Variants in FAM131A observed in about 807,000 individuals in gnomAD.
The protein encoded by FAM131A is family with sequence similarity 131 member A, also known as protein FAM131A.
In FAM131A, 24 loss-of-function variants were observed where a neutral mutation model predicts 39.2. The observed-to-expected ratio is 0.61, with a 90% CI of 0.44 to 0.86. The LOEUF is 0.86. Ranked by LOEUF, FAM131A falls within the 40% of genes least tolerant of loss-of-function variation. The probability of loss-of-function intolerance (pLI) is 0.00; values close to 1 mark genes in which losing one functional copy is unlikely to be tolerated. For missense variants in FAM131A, 373 were observed against 481.2 expected, an observed-to-expected ratio of 0.78 and a Z score of 2.10; for synonymous variants, 202 against 206.8, an observed-to-expected ratio of 0.98 and a Z score of 0.20.
Position 184,345,242 on chromosome 3 carries a change from G to A in FAM131A, c.*272G>A, listed in dbSNP as rs1727586113. On this transcript the variant is annotated 3_prime_UTR_variant, in exon 6 of 6. Transcript: ENST00000383847. ...GGCTACAGCTGTGGCAGACAGTGAT[G>A]TTCATGTTCTTAAAATGCCACACAC... The A allele has an allele frequency of 1.8e-6, 1 of 552,166 alleles. No homozygotes were observed. The highest frequency in any genetic ancestry group is 3.1e-5 in the East Asian group (1 of 32,076). 34.2% of individuals were successfully genotyped at this position (552,166 alleles called of 1,614,324 possible). A position where few individuals can be genotyped will look rare whatever the true frequency, so the allele number is the denominator to read the frequency against.
In FAM131A at chr3:184,338,374, C is replaced by T; in HGVS notation, c.89-13C>T. 7.0e-7 allele frequency: 1 copy of T among 1,431,852 alleles called. No homozygotes were observed. Among genetic ancestry groups the T allele is most frequent in the Non-Finnish European group, 9.1e-7 (1 of 1,095,604 alleles). 88.7% of individuals were successfully genotyped at this position (1,431,852 alleles called of 1,614,324 possible). A position where few individuals can be genotyped will look rare whatever the true frequency, so the allele number is the denominator to read the frequency against. The stretch of plus-strand genomic sequence containing the variant: ...TAGGGGCACAGCTCAACAGCCTTTC[C>T]CCTTCCTCTCAGTGTCCTCGGACCC... On this transcript the variant is annotated splice_polypyrimidine_tract_variant and intron_variant, in intron 1 of 5. Transcript: ENST00000383847.
At chr3:184,343,378 C>T (rs565303906) in intron 5 of FAM131A, among the ~76,000 whole-genome samples, 1 of 152,208 alleles carries the variant, frequency 6.6e-6, no homozygotes, top group African/African-American at 2.4e-5. Flanking sequence ...CATTCCAGCC[C>T]GTGGGCCTTT....
At chr3:184,337,395 G>C (rs1220478715), upstream of FAM131A, 3 of 524,938 alleles carry the variant, frequency 5.7e-6, no homozygotes, top group Non-Finnish European at 1.0e-5. Context: ...TACATTGCCT[G>C]TTGGCACTGT....
intron 1 of FAM131A, among the ~76,000 whole-genome samples, 197 bp downstream of exon 1, chr3:184,337,915 G>T (rs1727191662): frequency 6.6e-6 from 1 of 152,184 alleles, no homozygotes; most frequent in Non-Finnish European, 1.5e-5. Flanking sequence ...AATATCATGA[G>T]TTCGTCAGAA....
At chr3:184,341,492 T>G in intron 2 of FAM131A, 1 of 580,574 alleles carries the variant, frequency 1.7e-6, no homozygotes, top group South Asian at 2.0e-5. Context: ...AGTGGAGGAT[T>G]AGCTGAAGTT....
intron 5 of FAM131A, among the ~76,000 whole-genome samples, chr3:184,343,702 TTTGA>T (rs1164751400): frequency 6.6e-6 from 1 of 152,186 alleles, no homozygotes; most frequent in Non-Finnish European, 1.5e-5. Flanking sequence ...AGCATTTTTG[TTTGA>T]TTGAGTTCCA....
At position 184,345,325 on chromosome 3, in the gene FAM131A, G is replaced by A; in HGVS notation, c.*355G>A. 1 of 597,056 alleles carries A rather than the reference G, an allele frequency of 1.7e-6. No homozygotes were observed. Among genetic ancestry groups the A allele is most frequent in the Admixed American group, 3.1e-5 (1 of 32,560 alleles). 37.0% of individuals were successfully genotyped at this position (597,056 alleles called of 1,614,324 possible). A position where few individuals can be genotyped will look rare whatever the true frequency, so the allele number is the denominator to read the frequency against. ...GGGGGTTGTGACTGGGCTGTGTGAG[G>A]GTGGGGTGGGAGGGGGCCCAGCAAC... is the stretch of plus-strand genomic sequence containing the variant. On this transcript the variant is annotated 3_prime_UTR_variant, in exon 6 of 6. Coordinates refer to ENST00000383847, the MANE Select transcript of FAM131A (RefSeq NM_144635.5).
At chr3:184,337,152 C>G (rs1248848349), upstream of FAM131A, 2 of 154,606 alleles carry the variant, frequency 1.3e-5, no homozygotes, top group East Asian at 3.8e-4. Flanking sequence ...CTGCTCTGAT[C>G]TCTCTGGCCC....
chr3:184,341,951 T>C (rs767886054), intron 3 of FAM131A, 115 bp from the exon 4 acceptor site: 8 of 1,503,752 alleles, frequency 5.3e-6, no homozygotes, highest in Non-Finnish European at 7.4e-6. Flanking sequence ...TCTCAGCCCC[T>C]TCTCCCACCC....
At chr3:184,336,162 C>T (rs1727072884), upstream of FAM131A, 1 of 151,968 alleles carries the variant, frequency 6.6e-6, no homozygotes, top group Admixed American at 6.6e-5. This position sits in a 1 kb window ranked among gnomAD's most constrained non-coding sequence, Gnocchi z 5.5. Context: ...GGGAGTCGGG[C>T]TGCGGCCGCC....
Position 184,344,656 on chromosome 3 carries a change from GGGT to G in FAM131A, c.788_790del (p.Gly263_Leu264delinsVal). 6.2e-7 allele frequency: 1 copy of G among 1,612,900 alleles called. No individual in the cohort carries two copies. Among genetic ancestry groups the G allele is most frequent in the South Asian group, 1.1e-5 (1 of 91,048 alleles). On this transcript the variant is annotated inframe_deletion, in exon 6 of 6. Transcript: ENST00000383847. ...CTCTAGTCTGTGCAGCCTGGAGGATGGGTTGTTGGGCTCCCCGGCCCGGCTGGC... is the reference window on the plus strand; with the variant it reads ...CTCTAGTCTGTGCAGCCTGGAGGATGTGTTGGGCTCCCCGGCCCGGCTGGC...
chr3:184,342,185 G>A lies in FAM131A; in HGVS notation c.445G>A (p.Glu149Lys). 6.2e-7 allele frequency: 1 copy of A among 1,614,248 alleles called. No homozygotes were observed. The highest frequency in any genetic ancestry group is 8.5e-7 in the Non-Finnish European group (1 of 1,180,046). The change falls in exon 4 of 6, where the codon GAA becomes AAA. Residue 149 changes from glutamate to lysine, a missense_variant. Coordinates refer to ENST00000383847, the MANE Select transcript of FAM131A (RefSeq NM_144635.5). The surrounding 1 kb of genome is among the most constrained non-coding windows in gnomAD (Gnocchi z 4.6). Reference protein sequence around the residue: ...SKPSDSPAALESAFSSYSDLS... With the variant: ...SKPSDSPAALKSAFSSYSDLS... ...GCCGAGTGACTCACCTGCTGCCCTG[G>A]AATCAGCCTTTTCCTCCTATTCAGA...
At position 184,342,567 on chromosome 3, in the gene FAM131A, A is replaced by G. The variant is rs565153567; in HGVS notation, c.509-177A>G. ...GTGATCCACCTGCCTCGGCCTCCCA[A>G]AGTGCTGGGATTACAGGCATAAGCC... On this transcript the variant is annotated intron_variant, in intron 4 of 5. Coordinates refer to ENST00000383847, the MANE Select transcript of FAM131A (RefSeq NM_144635.5). This position sits in a 1 kb window ranked among gnomAD's most constrained non-coding sequence, Gnocchi z 4.6. Among the ~76,000 whole-genome samples, 239 of 151,864 alleles carry G rather than the reference A, an allele frequency of 1.6e-3. No homozygotes were observed. Among genetic ancestry groups the G allele is most frequent in the African/African-American group, 5.5e-3 (229 of 41,378 alleles).
chr3:184,344,700 C>G lies in FAM131A; in HGVS notation c.831C>G (p.Gly277=). 1.9e-6 allele frequency: 3 copies of G among 1,612,282 alleles called. No individual in the cohort carries two copies. The Middle Eastern group carries it at 5.0e-4, about 267-fold the overall frequency. ...CCCGGCTGGCCTCCCAGCTGCTGGG[C>G]GATGAGCTGCTTCTCGCCAAACTGC... ...SPARLASQLL[G]DELLLAKLPP... The change falls in exon 6 of 6, where the codon GGC becomes GGG. Residue 277 remains glycine (G), a synonymous_variant. Transcript: ENST00000383847.
At position 184,338,703 on chromosome 3, in the gene FAM131A, G is replaced by T. The variant is rs919125298; in HGVS notation, c.231+174G>T. The T allele has an allele frequency of 3.9e-6, 3 of 762,828 alleles. No homozygotes were observed. In the Admixed American group the frequency reaches 1.0e-4, roughly 26 times the overall value. 47.3% of individuals were successfully genotyped at this position (762,828 alleles called of 1,614,324 possible). On this transcript the variant is annotated intron_variant, in intron 2 of 5. Coordinates refer to ENST00000383847, the MANE Select transcript of FAM131A (RefSeq NM_144635.5). ...GTGCCGGTCTGCTCTGCTCGGCGCTGTGCCAGCAGGCGGAGAGCTCGCGCC... is the reference window on the plus strand; with the variant it reads ...GTGCCGGTCTGCTCTGCTCGGCGCTTTGCCAGCAGGCGGAGAGCTCGCGCC...
In FAM131A at chr3:184,345,663, C is replaced by T. The variant is rs1560246167; in HGVS notation, c.*693C>T. ...CATGTACCCTCCACCCTTTTCCTGG[C>T]CCCCTAATGGGGCCTGGGCCCTTTC... On this transcript the variant is annotated 3_prime_UTR_variant, in exon 6 of 6. Coordinates refer to ENST00000383847, the MANE Select transcript of FAM131A (RefSeq NM_144635.5). The T allele has an allele frequency of 1.5e-6, 1 of 677,464 alleles. No homozygotes were observed. The highest frequency in any genetic ancestry group is 2.7e-6 in the Non-Finnish European group (1 of 374,500). The allele number at this position is 677,464 out of a possible 1,614,324, so 42.0% of individuals were successfully genotyped here.
At position 184,344,551 on chromosome 3, in the gene FAM131A, C is replaced by T. The variant is rs779178694; in HGVS notation, c.682C>T (p.Arg228Trp). 38 of 1,589,584 alleles carry T rather than the reference C, an allele frequency of 2.4e-5. No homozygotes were observed. Among genetic ancestry groups the T allele is most frequent in the Admixed American group, 8.8e-5 (5 of 56,836 alleles). Residue 228 changes from arginine (R) to tryptophan (W), a missense_variant, in exon 6 of 6, where the codon CGG becomes TGG. By Grantham distance (101) the Arg-to-Trp change is moderately radical. Coordinates refer to ENST00000383847, the MANE Select transcript of FAM131A (RefSeq NM_144635.5). ...CCTCCAGGACCTGTTCACCGGCCACCGGTTCTCCCGGCCTGTGCGCCAGGG... is the reference window on the plus strand; with the variant it reads ...CCTCCAGGACCTGTTCACCGGCCACTGGTTCTCCCGGCCTGTGCGCCAGGG... Reference protein sequence around the residue: ...PHLQDLFTGHRFSRPVRQGSV... With the variant: ...PHLQDLFTGHWFSRPVRQGSV...
At chr3:184,344,365 G>A in intron 5 of FAM131A, 130 bp from the exon 6 acceptor site, 1 of 803,580 alleles carries the variant, frequency 1.2e-6, no homozygotes. Context: ...AGTTGTGACT[G>A]GTTCAAGGTT....
upstream of FAM131A, chr3:184,337,511 G>A (rs1727173336): frequency 3.5e-6 from 3 of 847,638 alleles, no homozygotes; most frequent in Non-Finnish European, 5.6e-6. Context: ...TATGTGACTA[G>A]GCACAGGTTC....
Sources: allele counts gnomAD v4.1 joint callset (sites outside exome capture counted in the v4.1 genomes callset), GRCh38; gene constraint gnomAD v4.1.1; non-coding constraint Gnocchi (gnomAD v3.1); transcripts MANE v1.5; gene names NCBI Gene and HGNC (gene_info 2026-07-23, HGNC 2026-07-21).